BUB1B: variants seen among roughly 807,000 people sequenced by gnomAD.
The protein encoded by BUB1B is mitotic checkpoint serine/threonine-protein kinase BUB1 beta.
BUB1B carries 86 observed loss-of-function variants against 137.7 expected under a neutral mutation model. The ratio of observed to expected loss-of-function variants is 0.62; its 90% confidence interval spans 0.52 to 0.75. The LOEUF (loss-of-function observed/expected upper bound fraction) is 0.75, where lower values mean the gene tolerates loss of function less well. Ranked by LOEUF, BUB1B falls within the 30% of genes least tolerant of loss-of-function variation. BUB1B has a pLI of 0.00. For synonymous variants in BUB1B, 420 were observed against 417.9 expected, an observed-to-expected ratio of 1.00 and a Z score of -0.06; for missense variants, 1,130 against 1,236.9, an observed-to-expected ratio of 0.91 and a Z score of 1.30.
In BUB1B at chr15:40,209,857, G is replaced by T; in HGVS notation, c.2284+82G>T. 4 of 1,542,754 alleles carry T rather than the reference G, an allele frequency of 2.6e-6. No individual in the cohort carries two copies. In the South Asian group the frequency reaches 4.5e-5, roughly 17 times the overall value. On this transcript the variant is annotated intron_variant, in intron 17 of 22. Transcript: ENST00000287598. Reference sequence around the variant, plus strand: ...ATTTGTACTTAAGCTTGATGCTTGAGCACTGTAAATATTCCTAGATTGTAT... The same window carrying T: ...ATTTGTACTTAAGCTTGATGCTTGATCACTGTAAATATTCCTAGATTGTAT...
Position 40,217,599 on chromosome 15 carries a change from A to G in BUB1B, c.2782A>G (p.Ser928Gly), listed in dbSNP as rs761128578. ...GGTGCAGCTGGATGTTTTTACCCTC[A>G]GCGGCTTTCGGACTGTACAGATCCT... is the stretch of plus-strand genomic sequence containing the variant. ...LRVQLDVFTL[S>G]GFRTVQILEG... is the part of the protein sequence containing the mutation. Residue 928 changes from serine (S) to glycine (G), a missense_variant, in exon 21 of 23, where the codon AGC becomes GGC. Physicochemically the swap from Ser to Gly is moderately conservative, Grantham distance 56 (BLOSUM62 0). Coordinates refer to ENST00000287598, the MANE Select transcript of BUB1B (RefSeq NM_001211.6). 15 of 1,614,056 alleles carry G rather than the reference A, an allele frequency of 9.3e-6. No homozygotes were observed. The highest frequency in any genetic ancestry group is 1.7e-5 in the Admixed American group (1 of 59,998).
In BUB1B at chr15:40,176,567, G is replaced by A. The variant is rs1050594239; in HGVS notation, c.475G>A (p.Ala159Thr). 6.2e-7 allele frequency: 1 copy of A among 1,613,950 alleles called. No homozygotes were observed. The highest frequency in any genetic ancestry group is 1.3e-5 in the African/African-American group (1 of 74,902). Residue 159 changes from alanine to threonine, a missense_variant, in exon 5 of 23, where the codon GCA becomes ACA. Transcript: ENST00000287598. ...ACTTGCTCAGTTCTATATCTCATGG[G>A]CAGAAGAATATGAAGCTAGAGAAAA... ...VSLAQFYISW[A>T]EEYEARENFR...
intron 22 of BUB1B, among the ~76,000 whole-genome samples, chr15:40,219,102 C>T (rs1457504680): frequency 1.3e-5 from 2 of 151,788 alleles, no homozygotes; most frequent in Non-Finnish European, 2.9e-5. Flanking sequence ...AGTAGAGATG[C>T]GGTTTCACTA....
chr15:40,169,872 CA>C (rs1186527314), intron 2 of BUB1B, among the ~76,000 whole-genome samples, 189 bp from the exon 3 acceptor site: 2 of 152,086 alleles, frequency 1.3e-5, no homozygotes, highest in Admixed American at 1.3e-4. Context: ...CTTGGCCTCC[CA>C]AAGTGTCGGG....
intron 1 of BUB1B, among the ~76,000 whole-genome samples, chr15:40,164,183 A>G (rs1358306982): frequency 1.3e-5 from 2 of 152,090 alleles, no homozygotes; most frequent in African/African-American, 2.4e-5. Context: ...TCAGTTTTGA[A>G]TCATCATTGA....
At chr15:40,173,295 T>TAAAAAAAAAAAAAAAA (rs61078619) in intron 4 of BUB1B, among the ~76,000 whole-genome samples, 2 of 85,896 alleles carry the variant, frequency 2.3e-5, no homozygotes, top group African/African-American at 7.4e-5. Flanking sequence ...GAAAAAAAGA[T>TAAAAAAAAAAAAAAAA]AAAAAAAAAA....
intron 18 of BUB1B, among the ~76,000 whole-genome samples, chr15:40,211,339 G>A (rs1052280966): frequency 5.3e-5 from 8 of 151,576 alleles, no homozygotes; most frequent in Admixed American, 3.3e-4. Context: ...CTCTCTATTC[G>A]TATTTAAGTA....
At chr15:40,182,415 T>C (rs996183116) in intron 5 of BUB1B, among the ~76,000 whole-genome samples, 4 of 152,212 alleles carry the variant, frequency 2.6e-5, no homozygotes, top group African/African-American at 9.7e-5. Flanking sequence ...TCTATGTTTT[T>C]GTCTTAGTAG....
At chr15:40,174,836 C>T (rs1319760514) in intron 4 of BUB1B, among the ~76,000 whole-genome samples, 1 of 152,074 alleles carries the variant, frequency 6.6e-6, no homozygotes, top group African/African-American at 2.4e-5. Flanking sequence ...TGGTGGCGGG[C>T]GCCTATAGTC....
At chr15:40,212,692 G>A in intron 19 of BUB1B, 44 bp downstream of exon 19, 1 of 1,574,808 alleles carries the variant, frequency 6.3e-7, no homozygotes, top group Non-Finnish European at 8.7e-7. Flanking sequence ...GAAGTAGAGA[G>A]ATTTGTGCTC....
intron 1 of BUB1B, among the ~76,000 whole-genome samples, chr15:40,161,552 G>T (rs1022958405): frequency 5.9e-5 from 9 of 152,208 alleles, no homozygotes; most frequent in African/African-American, 2.2e-4. Context: ...TCAGCCACCT[G>T]CTAGTTGTTT....
intron 4 of BUB1B, among the ~76,000 whole-genome samples, chr15:40,172,462 A>G (rs747756958): frequency 2.0e-5 from 3 of 152,186 alleles, no homozygotes. Context: ...CATATGTATT[A>G]TATCTTTTTT....
chr15:40,201,663 TTTTA>T (rs1158088460), intron 12 of BUB1B, among the ~76,000 whole-genome samples: 2 of 152,116 alleles, frequency 1.3e-5, no homozygotes, highest in African/African-American at 2.4e-5. Flanking sequence ...AAAAATTTTT[TTTTA>T]TTTATTAATA....
chr15:40,218,587 C>G (rs753623429), intron 22 of BUB1B, 25 bp downstream of exon 22: 71 of 1,514,110 alleles, frequency 4.7e-5, no homozygotes, highest in Non-Finnish European at 6.1e-5. Flanking sequence ...ATGTCAGGGT[C>G]TCTGCCTGTC....
At chr15:40,205,008 G>T (rs915985092) in intron 14 of BUB1B, among the ~76,000 whole-genome samples, 1 of 140,982 alleles carries the variant, frequency 7.1e-6, no homozygotes, top group African/African-American at 2.7e-5. Context: ...GTGAAGTGGC[G>T]TGATCTCGGC....
chr15:40,200,038 A>G (rs2140900470), intron 10 of BUB1B: 1 of 604,612 alleles, frequency 1.7e-6, no homozygotes, highest in African/African-American at 1.9e-5. Context: ...AAAGAAATTT[A>G]GTATATGCCT....
chr15:40,176,093 C>T (rs1246221385), intron 4 of BUB1B, among the ~76,000 whole-genome samples: 4 of 152,126 alleles, frequency 2.6e-5, no homozygotes, highest in Admixed American at 6.5e-5. Flanking sequence ...GGACTACAGG[C>T]GCCTTCCACC....
At chr15:40,188,675 C>T (rs188888645) in intron 8 of BUB1B, among the ~76,000 whole-genome samples, 5 of 150,786 alleles carry the variant, frequency 3.3e-5, no homozygotes, top group African/African-American at 7.3e-5. Flanking sequence ...CTCCGCCTCC[C>T]GGGTTCAAGC....
At chr15:40,193,368 G>A (rs2037459580) in intron 8 of BUB1B, among the ~76,000 whole-genome samples, 1 of 146,690 alleles carries the variant, frequency 6.8e-6, no homozygotes, top group Non-Finnish European at 1.5e-5. Flanking sequence ...GTGTGCAGCA[G>A]TATCTTATTG....
Sources: allele counts gnomAD v4.1 joint callset (sites outside exome capture counted in the v4.1 genomes callset), GRCh38; gene constraint gnomAD v4.1.1; transcripts MANE v1.5; gene names NCBI Gene and HGNC (gene_info 2026-07-23, HGNC 2026-07-21).